Variants in SEC14L5 observed in about 807,000 individuals in gnomAD.
SEC14L5 encodes the protein SEC14 like lipid binding 5.
SEC14L5 carries 96 observed loss-of-function variants against 84.6 expected under a neutral mutation model. The observed-to-expected ratio is 1.13, with a 90% CI of 0.96 to 1.34. The LOEUF is 1.34. SEC14L5 is among the 40% of genes most tolerant of loss of function. SEC14L5 has a pLI of 0.00. For synonymous variants in SEC14L5, 546 were observed against 383.4 expected (o/e 1.42, Z -4.95); for missense variants, 1,224 against 942.5 (o/e 1.30, Z -3.91).
In SEC14L5 at chr16:4,992,012, G is replaced by C. The variant is rs904908373; in HGVS notation, c.649G>C (p.Glu217Gln). 1.3e-6 allele frequency: 2 copies of C among 1,574,360 alleles called. No individual in the cohort carries two copies. The highest frequency in any genetic ancestry group is 8.6e-7 in the Non-Finnish European group (1 of 1,166,956). ...CCGTAGCACCCTGGGGCCCGCTCTG[G>C]AGGCGGTCAGTATGGACGGTAGGTG... is the stretch of plus-strand genomic sequence containing the variant. ...GPRSTLGPALEAVSMDGDKLD... is the reference protein window; with the variant it reads ...GPRSTLGPALQAVSMDGDKLD... The change falls in exon 6 of 16, where the codon GAG becomes CAG. Residue 217 changes from glutamate (E) to glutamine (Q), a missense_variant. By Grantham distance (29) the Glu-to-Gln change is conservative. Transcript: ENST00000251170.
intron 10 of SEC14L5, among the ~76,000 whole-genome samples, chr16:5,001,709 T>C (rs949809262): frequency 6.6e-6 from 1 of 152,156 alleles, no homozygotes; most frequent in South Asian, 2.1e-4. Context: ...AGCCAGTACT[T>C]ACGGTGGCAT....
intron 3 of SEC14L5, among the ~76,000 whole-genome samples, 184 bp downstream of exon 3, chr16:4,987,890 G>A (rs1028151976): frequency 6.6e-6 from 1 of 152,150 alleles, no homozygotes; most frequent in Non-Finnish European, 1.5e-5. Context: ...AGGGGCGAGG[G>A]CTGGAAGGCT....
intron 14 of SEC14L5, among the ~76,000 whole-genome samples, chr16:5,009,072 G>A (rs1471291196): frequency 6.6e-6 from 1 of 152,186 alleles, no homozygotes; most frequent in Non-Finnish European, 1.5e-5. Context: ...AAACCAAGGT[G>A]TTGGCAGGGC....
chr16:5,000,875 A>C lies in SEC14L5; in HGVS notation c.1080A>C (p.Glu360Asp). 6.2e-7 allele frequency: 1 copy of C among 1,608,452 alleles called. No individual in the cohort carries two copies. Among genetic ancestry groups the C allele is most frequent in the Non-Finnish European group, 8.5e-7 (1 of 1,177,598 alleles). The change falls in exon 10 of 16, where the codon GAA (glutamate) becomes GAC (aspartate). Residue 360 changes from glutamate to aspartate, a missense_variant. By Grantham distance (45) the Glu-to-Asp change is conservative. Coordinates refer to ENST00000251170, the MANE Select transcript of SEC14L5 (RefSeq NM_014692.2). ...LLRHVLSVNE[E>D]GQKRCEGSTR... ...TCCAGGTTCTCTCCGTCAACGAGGA[A>C]GGACAGAAGCGGTGTGAGGGGAGCA...
Position 5,008,423 on chromosome 16 carries a change from G to C in SEC14L5, c.1575G>C (p.Val525=). 1 of 1,607,946 alleles carries C rather than the reference G, an allele frequency of 6.2e-7. No homozygotes were observed. The highest frequency in any genetic ancestry group is 8.5e-7 in the Non-Finnish European group (1 of 1,175,838). The change falls in exon 14 of 16, where the codon GTG becomes GTC. Residue 525 remains valine (V), a splice_region_variant and synonymous_variant. Transcript: ENST00000251170. ...AGACCTCGCCTGTCTCCACACAGGT[G>C]GCCGTGGAGATCCTGGAAGGAGAGT... ...ASVLRGAPHE[V]AVEILEGESV... is the part of the protein sequence containing the mutation.
rs780669380 is a variant in SEC14L5, at chr16:5,007,471, C to T, written c.1557C>T (p.Arg519=). 3.9e-5 allele frequency: 63 copies of T among 1,613,326 alleles called. No homozygotes were observed. The highest frequency in any genetic ancestry group is 1.7e-4 in the Middle Eastern group (1 of 6,052). The change falls in exon 13 of 16, where the codon CGC becomes CGT. Residue 519 remains arginine (R), a synonymous_variant. Transcript: ENST00000251170. ...CCTACCATTCAGCCAGCGTGCTCCG[C>T]GGAGCCCCCCACGAGGTGCCAGGGC... ...SETYHSASVL[R]GAPHEVAVEI... is the part of the protein sequence containing the mutation.
At chr16:4,996,502 A>T in intron 7 of SEC14L5, 42 bp downstream of exon 7, 1 of 1,062,656 alleles carries the variant, frequency 9.4e-7, no homozygotes, top group Non-Finnish European at 1.4e-6. Context: ...TGAATGGGCA[A>T]TGACTGGTAC....
At chr16:4,975,539 A>G (rs1325354505) in intron 2 of SEC14L5, among the ~76,000 whole-genome samples, 2 of 150,630 alleles carry the variant, frequency 1.3e-5, no homozygotes, top group Non-Finnish European at 1.5e-5. Flanking sequence ...TCCGTGGTGT[A>G]TATATACCAC....
intron 2 of SEC14L5, among the ~76,000 whole-genome samples, chr16:4,970,174 G>A (rs1178302291): frequency 1.3e-5 from 2 of 152,120 alleles, no homozygotes; most frequent in African/African-American, 2.4e-5. Flanking sequence ...TATTGGGGGA[G>A]GGGGTGACAG....
chr16:4,984,071 C>T (rs1955459875), intron 2 of SEC14L5, among the ~76,000 whole-genome samples: 1 of 152,208 alleles, frequency 6.6e-6, no homozygotes, highest in South Asian at 2.1e-4. Context: ...AATTCAGTGG[C>T]TTTCAGTAGA....
At chr16:5,011,394 G>C (rs1485238129) in intron 15 of SEC14L5, 121 bp downstream of exon 15, 1 of 983,928 alleles carries the variant, frequency 1.0e-6, no homozygotes, top group Non-Finnish European at 1.5e-6. Flanking sequence ...ACCCCAGCAT[G>C]GGTATGGTTG....
In SEC14L5 at chr16:5,015,576, C is replaced by T. The variant is rs1410091664; in HGVS notation, c.*606C>T. ...CAGTGAGGTGCAGTGATTGGCCAGC[C>T]TGGATCACATGCACATCTCTGGAAC... is the stretch of plus-strand genomic sequence containing the variant. On this transcript the variant is annotated 3_prime_UTR_variant, in exon 16 of 16. Transcript: ENST00000251170. 1 of 153,198 alleles carries T rather than the reference C, an allele frequency of 6.5e-6. No individual in the cohort carries two copies. The highest frequency in any genetic ancestry group is 1.5e-5 in the Non-Finnish European group (1 of 68,648). 9.5% of individuals were successfully genotyped at this position (153,198 alleles called of 1,614,324 possible).
At chr16:4,961,894 G>C (rs1420831737) in intron 2 of SEC14L5, among the ~76,000 whole-genome samples, 2 of 152,106 alleles carry the variant, frequency 1.3e-5, no homozygotes, top group Non-Finnish European at 2.9e-5. Context: ...GAACATGTGA[G>C]CTGCCAGAGC....
chr16:4,997,185 G>A (rs890908107), intron 8 of SEC14L5, 141 bp downstream of exon 8: 26 of 563,624 alleles, frequency 4.6e-5, no homozygotes, highest in Admixed American at 1.2e-4. Flanking sequence ...CATAATCTCC[G>A]CTTCCCGGGT....
intron 15 of SEC14L5, among the ~76,000 whole-genome samples, chr16:5,012,267 C>G (rs912051076): frequency 1.3e-5 from 2 of 152,148 alleles, no homozygotes; most frequent in Non-Finnish European, 1.5e-5. Flanking sequence ...GGAATAGACA[C>G]AGGCATTGGA....
At chr16:4,990,697 G>C in intron 4 of SEC14L5, 70 bp from the exon 5 acceptor site, 3 of 1,466,166 alleles carry the variant, frequency 2.0e-6, no homozygotes, top group Non-Finnish European at 2.7e-6. Context: ...CAGGTCAGTG[G>C]GAGAGCCCTA....
chr16:4,976,539 A>C (rs1955342373), intron 2 of SEC14L5, among the ~76,000 whole-genome samples: 2 of 152,218 alleles, frequency 1.3e-5, no homozygotes, highest in South Asian at 4.1e-4. Flanking sequence ...TTACAAATGA[A>C]AGAGGGGTTA....
In SEC14L5 at chr16:5,011,049, T is replaced by TC. The variant is rs756268874; in HGVS notation, c.1801-44dup. ...ATGAAGGCTCAGCCTCCTTGACCTG[T>TC]CCTCTGGAGGGCGCAGGGCCTCAGG... On this transcript the variant is annotated intron_variant, in intron 14 of 15. Coordinates refer to ENST00000251170, the MANE Select transcript of SEC14L5 (RefSeq NM_014692.2). The TC allele has an allele frequency of 1.0e-5, 16 of 1,540,518 alleles. No individual in the cohort carries two copies. In the East Asian group the frequency reaches 3.9e-4, roughly 37 times the overall value.
intron 14 of SEC14L5, among the ~76,000 whole-genome samples, chr16:5,010,188 CAAAAAAAAAAAA>C (rs59942135): frequency 5.0e-4 from 22 of 43,650 alleles, no homozygotes; most frequent in African/African-American, 1.9e-3. Context: ...ACTAAAAATA[CAAAAAAAAAAAA>C]AAAAAAAAAA....
Sources: allele counts gnomAD v4.1 joint callset (sites outside exome capture counted in the v4.1 genomes callset), GRCh38; gene constraint gnomAD v4.1.1; transcripts MANE v1.5; gene names NCBI Gene and HGNC (gene_info 2026-07-23, HGNC 2026-07-21).